Variants in CNTNAP2 observed in about 807,000 individuals in gnomAD.
CNTNAP2 encodes the protein contactin-associated protein-like 2.
In CNTNAP2, 98 loss-of-function variants were observed where a neutral mutation model predicts 155.2. The ratio of observed to expected loss-of-function variants is 0.63; its 90% CI spans 0.54 to 0.75. The LOEUF (loss-of-function observed/expected upper bound fraction) is 0.75. CNTNAP2 is among the 30% of genes least tolerant of loss of function. The probability of loss-of-function intolerance (pLI) is 0.00; values close to 1 mark genes in which losing one functional copy is unlikely to be tolerated. For missense variants in CNTNAP2, 1,727 were observed against 1,688.1 expected, an observed-to-expected ratio of 1.02 and a Z score of -0.40; for synonymous variants, 651 against 631.2, an observed-to-expected ratio of 1.03 and a Z score of -0.47.
intron 11 of CNTNAP2, among the ~76,000 whole-genome samples, chr7:147,538,903 A>T (rs879460847): frequency 2.6e-5 from 4 of 152,088 alleles, no homozygotes; most frequent in African/African-American, 9.7e-5. Flanking sequence ...TTTCAGCTCA[A>T]TGTAAGAAAA....
At chr7:147,173,585 T>C (rs1802276033) in intron 8 of CNTNAP2, among the ~76,000 whole-genome samples, 1 of 152,290 alleles carries the variant, frequency 6.6e-6, no homozygotes, top group South Asian at 2.1e-4. Context: ...AAAAACATTT[T>C]GTGTATTTCG....
intron 3 of CNTNAP2, among the ~76,000 whole-genome samples, chr7:146,856,325 CATACAT>C: frequency 6.7e-6 from 1 of 150,094 alleles, no homozygotes; most frequent in African/African-American, 2.5e-5. Context: ...TACATACATA[CATACAT>C]ACATACATAC....
intron 1 of CNTNAP2, among the ~76,000 whole-genome samples, chr7:146,159,014 G>C (rs919110399): frequency 3.3e-5 from 5 of 152,172 alleles, no homozygotes; most frequent in African/African-American, 1.2e-4. Context: ...ACCCACAAAG[G>C]GAAGCCCATG....
At chr7:146,191,730 CT>C (rs1562984240) in intron 1 of CNTNAP2, among the ~76,000 whole-genome samples, 1 of 152,148 alleles carries the variant, frequency 6.6e-6, no homozygotes, top group East Asian at 1.9e-4. Flanking sequence ...CTCCTATTCA[CT>C]TTTGTAAGAA....
intron 13 of CNTNAP2, among the ~76,000 whole-genome samples, chr7:147,794,748 A>C (rs547422692): frequency 6.8e-6 from 1 of 146,604 alleles, no homozygotes; most frequent in East Asian, 2.1e-4. Context: ...TTTTTTTTTT[A>C]AAAACAATTA....
At chr7:147,209,070 G>T (rs754012718) in intron 8 of CNTNAP2, among the ~76,000 whole-genome samples, 1 of 151,938 alleles carries the variant, frequency 6.6e-6, no homozygotes, top group Non-Finnish European at 1.5e-5. Flanking sequence ...TGGTTATCCG[G>T]GGTCCTTTAT....
chr7:146,785,629 G>A lies in CNTNAP2; in HGVS notation c.208+11248G>A, dbSNP rs1045209920. On this transcript the variant is annotated intron_variant, in intron 2 of 23. Transcript: ENST00000361727. Reference sequence around the variant, plus strand: ...TCTCACAAATTGTTTGGTCACTGTCGTAGCCAATTGGAATCTAGACTATAA... The same window carrying A: ...TCTCACAAATTGTTTGGTCACTGTCATAGCCAATTGGAATCTAGACTATAA... 2.7e-4 allele frequency among the ~76,000 whole-genome samples: 41 copies of A among 152,138 alleles called. 1 individual carries two copies. The highest frequency in any genetic ancestry group is 6.5e-4 in the African/African-American group (27 of 41,440).
intron 15 of CNTNAP2, among the ~76,000 whole-genome samples, chr7:147,982,108 AT>A (rs1801541658): frequency 1.3e-5 from 2 of 152,232 alleles, no homozygotes; most frequent in Admixed American, 1.3e-4. Context: ...AGTTAAAAAA[AT>A]AAAAGACTTC....
At chr7:147,677,299 T>C (rs1654486325) in intron 13 of CNTNAP2, among the ~76,000 whole-genome samples, 1 of 151,942 alleles carries the variant, frequency 6.6e-6, no homozygotes, top group Non-Finnish European at 1.5e-5. Flanking sequence ...GACCATTTTG[T>C]ATATCTTGTT....
chr7:147,044,119 T>C lies in CNTNAP2; in HGVS notation c.550+65T>C, dbSNP rs997756317. The C allele has an allele frequency of 2.6e-6, 4 of 1,568,402 alleles. No homozygotes were observed. The East Asian group carries it at 6.7e-5, about 26-fold the overall frequency. Reference sequence around the variant, plus strand: ...TTTATTTAAATAGTAAGCTGTTTTATTTTAAATTATTTAACATTACTTGCT... The same window carrying C: ...TTTATTTAAATAGTAAGCTGTTTTACTTTAAATTATTTAACATTACTTGCT... On this transcript the variant is annotated intron_variant, in intron 4 of 23. Coordinates refer to ENST00000361727, the MANE Select transcript of CNTNAP2 (RefSeq NM_014141.6).
intron 1 of CNTNAP2, among the ~76,000 whole-genome samples, chr7:146,531,894 C>T (rs570235257): frequency 4.6e-5 from 7 of 151,638 alleles, no homozygotes; most frequent in Middle Eastern, 3.4e-3. Context: ...GGGGAAAGTA[C>T]GTATGAAGAA....
chr7:146,981,541 G>A (rs571253007), intron 3 of CNTNAP2, among the ~76,000 whole-genome samples: 6 of 152,140 alleles, frequency 3.9e-5, no homozygotes, highest in South Asian at 4.2e-4. Context: ...ACCTAGTATG[G>A]ATTTCTTAAC....
At chr7:146,117,665 A>G (rs897839211) in intron 1 of CNTNAP2, among the ~76,000 whole-genome samples, 15 of 152,106 alleles carry the variant, frequency 9.9e-5, no homozygotes, top group Non-Finnish European at 1.8e-4. Flanking sequence ...ATTATATTCA[A>G]TATGTATATC....
At position 146,721,639 on chromosome 7, in the gene CNTNAP2, TATTCTATATATATTCTATATAC is replaced by T. The variant is rs1563203856; in HGVS notation, c.98-52618_98-52597del. Among the ~76,000 whole-genome samples the T allele has an allele frequency of 2.1e-4, 19 of 91,092 alleles. 1 individual carries two copies. Among genetic ancestry groups the T allele is most frequent in the African/African-American group, 1.2e-3 (13 of 10,600 alleles). 59.8% of individuals were successfully genotyped at this position (91,092 alleles called of 152,430 possible). A position where few individuals can be genotyped will look rare whatever the true frequency, so the allele number is the denominator to read the frequency against. Reference sequence around the variant, plus strand: ...ATATATTCTATATACATTCTATATATATTCTATATATATTCTATATACATTCTATATATATACTATATACATT... The same window carrying T: ...ATATATTCTATATACATTCTATATATATTCTATATATATACTATATACATT... On this transcript the variant is annotated intron_variant, in intron 1 of 23. Coordinates refer to ENST00000361727, the MANE Select transcript of CNTNAP2 (RefSeq NM_014141.6).
Position 146,769,825 on chromosome 7 carries a change from T to C in CNTNAP2, c.98-4446T>C, listed in dbSNP as rs116882831. ...GCTGTGTGAAAGCCATCAGAGACAATACATAAATGCATGATGTGTAACTGT... is the reference window on the plus strand; with the variant it reads ...GCTGTGTGAAAGCCATCAGAGACAACACATAAATGCATGATGTGTAACTGT... On this transcript the variant is annotated intron_variant, in intron 1 of 23. Transcript: ENST00000361727. 8.8e-3 allele frequency among the ~76,000 whole-genome samples: 1,333 copies of C among 152,238 alleles called. 69 individuals carry two copies. Among genetic ancestry groups the C allele is most frequent in the Admixed American group, 0.07 (1,075 of 15,284 alleles).
chr7:146,778,811 A>G (rs1802434456), intron 2 of CNTNAP2, among the ~76,000 whole-genome samples: 1 of 152,214 alleles, frequency 6.6e-6, no homozygotes, highest in African/African-American at 2.4e-5. Context: ...TGTACTTCAT[A>G]TGCCTTTTGT....
At chr7:148,218,267 G>C (rs1264439278) in intron 19 of CNTNAP2, among the ~76,000 whole-genome samples, 1 of 152,176 alleles carries the variant, frequency 6.6e-6, no homozygotes, top group Non-Finnish European at 1.5e-5. Context: ...TATACCAGTA[G>C]GTTGTTACAG....
chr7:148,115,323 T>C (rs1489488525), intron 15 of CNTNAP2, among the ~76,000 whole-genome samples: 1 of 152,266 alleles, frequency 6.6e-6, no homozygotes, highest in African/African-American at 2.4e-5. Context: ...TAGAATCATT[T>C]TAGACAACTG....
chr7:146,183,272 C>G (rs1408926029), intron 1 of CNTNAP2, among the ~76,000 whole-genome samples: 1 of 152,086 alleles, frequency 6.6e-6, no homozygotes, highest in Non-Finnish European at 1.5e-5. Flanking sequence ...GTCTGGGATT[C>G]TAGCAGGACA....
Sources: allele counts gnomAD v4.1 joint callset (sites outside exome capture counted in the v4.1 genomes callset), GRCh38; gene constraint gnomAD v4.1.1; transcripts MANE v1.5; gene names NCBI Gene and HGNC (gene_info 2026-07-23, HGNC 2026-07-21).